The following PXDNL variants were observed in gnomAD, a reference collection of about 807,000 sequenced individuals.
The protein encoded by PXDNL is probable oxidoreductase PXDNL.
A neutral mutation model predicts 150.8 loss-of-function variants in PXDNL; 145 were observed. The observed-to-expected ratio is 0.96, with a 90% CI of 0.84 to 1.10. PXDNL has a LOEUF of 1.10. Ranked by LOEUF, PXDNL falls within the 50% of genes least tolerant of loss-of-function variation. The probability of loss-of-function intolerance (pLI) is 0.00; values close to 1 mark genes in which losing one functional copy is unlikely to be tolerated. For missense variants in PXDNL, 2,087 were observed against 1,873.9 expected (o/e 1.11, Z -2.10); for synonymous variants, 757 against 725.7 (o/e 1.04, Z -0.69).
chr8:51,409,439 C>A lies in PXDNL; in HGVS notation c.2185G>T (p.Ala729Ser). Residue 729 changes from alanine (A) to serine (S), a missense_variant, in exon 17 of 23, where the codon GCC (alanine) becomes TCC (serine). By Grantham distance (99) the Ala-to-Ser change is moderately conservative. Coordinates refer to ENST00000356297, the MANE Select transcript of PXDNL (RefSeq NM_144651.5). ...AGGTTGTTGCACGTGCCGTCGTGGGCGCGGTACTTCGCATGGAAACACCGG... is the reference window on the plus strand; with the variant it reads ...AGGTTGTTGCACGTGCCGTCGTGGGAGCGGTACTTCGCATGGAAACACCGG... ...SNRCFHAKYR[A>S]HDGTCNNLQQ... 1.2e-6 allele frequency: 2 copies of A among 1,612,552 alleles called. No individual in the cohort carries two copies. Among genetic ancestry groups the A allele is most frequent in the Non-Finnish European group, 1.7e-6 (2 of 1,179,730 alleles).
intron 2 of PXDNL, among the ~76,000 whole-genome samples, chr8:51,593,697 G>A (rs927257607): frequency 6.6e-6 from 1 of 152,122 alleles, no homozygotes; most frequent in Non-Finnish European, 1.5e-5. Context: ...TTCACTGTAG[G>A]CCTCACTGTT....
intron 2 of PXDNL, among the ~76,000 whole-genome samples, chr8:51,601,657 T>C (rs1440316894): frequency 6.6e-6 from 1 of 152,038 alleles, no homozygotes; most frequent in Non-Finnish European, 1.5e-5. Context: ...ATGGGTCTTC[T>C]TTTTTTATCC....
intron 12 of PXDNL, among the ~76,000 whole-genome samples, chr8:51,443,360 A>C (rs1276436603): frequency 6.6e-6 from 1 of 152,184 alleles, no homozygotes; most frequent in Non-Finnish European, 1.5e-5. Flanking sequence ...TTATGTTTTC[A>C]TAATGCTCTG....
intron 1 of PXDNL, among the ~76,000 whole-genome samples, chr8:51,751,164 A>G (rs2037042312): frequency 6.6e-6 from 1 of 152,206 alleles, no homozygotes; most frequent in Admixed American, 6.5e-5. Flanking sequence ...GGTCATATCA[A>G]CATGTTCTGG....
At chr8:51,754,756 C>G (rs13260294) in intron 1 of PXDNL, among the ~76,000 whole-genome samples, 143,173 of 152,240 alleles carry the variant, frequency 0.94, 67,909 homozygotes, top group East Asian at 1. Context: ...GCCCATCTTG[C>G]CCTCCCAAAG....
chr8:51,601,833 T>G (rs932109802), intron 2 of PXDNL, among the ~76,000 whole-genome samples: 15 of 151,866 alleles, frequency 9.9e-5, no homozygotes, highest in African/African-American at 3.4e-4. Context: ...GGCTATGCAC[T>G]TAAATGTGTT....
intron 21 of PXDNL, among the ~76,000 whole-genome samples, chr8:51,327,234 T>C (rs903429027): frequency 1.3e-5 from 2 of 152,214 alleles, no homozygotes; most frequent in African/African-American, 4.8e-5. Context: ...GGGTTGTTAC[T>C]AGAGCATAAC....
At chr8:51,450,950 CT>C (rs1809794831) in intron 10 of PXDNL, among the ~76,000 whole-genome samples, 2 of 151,968 alleles carry the variant, frequency 1.3e-5, no homozygotes, top group East Asian at 3.9e-4. Flanking sequence ...CTAGGAACAA[CT>C]TAAAAAGAAC....
intron 1 of PXDNL, among the ~76,000 whole-genome samples, chr8:51,729,024 A>G (rs1246087064): frequency 6.6e-6 from 1 of 152,212 alleles, no homozygotes; most frequent in Non-Finnish European, 1.5e-5. Flanking sequence ...AGATACATAA[A>G]TACTTACCCT....
intron 12 of PXDNL, among the ~76,000 whole-genome samples, chr8:51,427,950 G>A (rs1053207556): frequency 6.6e-6 from 1 of 152,164 alleles, no homozygotes; most frequent in African/African-American, 2.4e-5. Context: ...CCTATTTGCA[G>A]ATGAAATTAT....
chr8:51,771,667 AG>A, intron 1 of PXDNL, among the ~76,000 whole-genome samples: 1 of 152,330 alleles, frequency 6.6e-6, no homozygotes, highest in East Asian at 1.9e-4. Context: ...AAGCAGGGAA[AG>A]TCAGAGAACA....
At position 51,385,126 on chromosome 8, in the gene PXDNL, T is replaced by C. The variant is rs549854873; in HGVS notation, c.3558-10395A>G. Among the ~76,000 whole-genome samples the C allele has an allele frequency of 2.6e-5, 4 of 152,292 alleles. No individual in the cohort carries two copies. The East Asian group carries it at 7.7e-4, about 29-fold the overall frequency. On this transcript the variant is annotated intron_variant, in intron 17 of 22. Transcript: ENST00000356297. ...AACAATACTTACAGCATGACAGCTA[T>C]TAACAATTATATCATTTTTTAACTC...
chr8:51,609,674 G>A (rs1458050332), intron 2 of PXDNL, among the ~76,000 whole-genome samples: 5 of 152,110 alleles, frequency 3.3e-5, no homozygotes, highest in Admixed American at 2.0e-4. Flanking sequence ...AGAATAACAT[G>A]GGAAGAAATG....
At chr8:51,768,791 C>A (rs930465461) in intron 1 of PXDNL, among the ~76,000 whole-genome samples, 3 of 152,174 alleles carry the variant, frequency 2.0e-5, no homozygotes, top group African/African-American at 7.2e-5. Context: ...TAGGCCAAAA[C>A]AGAATGAATA....
intron 8 of PXDNL, among the ~76,000 whole-genome samples, chr8:51,460,674 C>T (rs1810056433): frequency 6.6e-6 from 1 of 151,698 alleles, no homozygotes; most frequent in Non-Finnish European, 1.5e-5. Context: ...AAGGAAACTG[C>T]AGGGCACCAC....
chr8:51,468,674 T>C (rs892909237), intron 8 of PXDNL, among the ~76,000 whole-genome samples: 7 of 151,988 alleles, frequency 4.6e-5, no homozygotes, highest in African/African-American at 7.2e-5. Context: ...CTTTTGTGGA[T>C]TGATCCAGTT....
chr8:51,337,594 C>T (rs1021211927), intron 21 of PXDNL, among the ~76,000 whole-genome samples: 7 of 152,204 alleles, frequency 4.6e-5, no homozygotes, highest in African/African-American at 1.4e-4. Flanking sequence ...AAGGCTCAGA[C>T]TGGGCTGGGC....
chr8:51,528,900 C>T (rs924935522), intron 4 of PXDNL, among the ~76,000 whole-genome samples: 1 of 152,182 alleles, frequency 6.6e-6, no homozygotes, highest in Non-Finnish European at 1.5e-5. Flanking sequence ...CAGAAAGGAG[C>T]ACACCCATGC....
At chr8:51,676,012 T>C (rs948200801) in intron 1 of PXDNL, among the ~76,000 whole-genome samples, 3 of 152,160 alleles carry the variant, frequency 2.0e-5, no homozygotes, top group African/African-American at 7.2e-5. Context: ...ATCTGTGTTG[T>C]TTGGAGCAAG....
Sources: allele counts gnomAD v4.1 joint callset (sites outside exome capture counted in the v4.1 genomes callset), GRCh38; gene constraint gnomAD v4.1.1; transcripts MANE v1.5; gene names NCBI Gene and HGNC (gene_info 2026-07-23, HGNC 2026-07-21).